The following LRRC51 variants were observed in gnomAD, a reference collection of about 807,000 sequenced individuals.
The protein encoded by LRRC51 is leucine rich repeat containing 51.
LRRC51 carries 8 observed loss-of-function variants against 17.8 expected under a neutral mutation model. The observed-to-expected ratio is 0.45, with a 90% CI of 0.26 to 0.81. The LOEUF is 0.81. LRRC51 is among the 30% of genes least tolerant of loss of function. The pLI is 0.17. For missense variants in LRRC51, 233 were observed against 239.3 expected (o/e 0.97, Z 0.17); for synonymous variants, 92 against 96.0 (o/e 0.96, Z 0.24).
Position 72,095,404 on chromosome 11 carries a change from C to T in LRRC51, c.463C>T (p.Arg155Cys), listed in dbSNP as rs757026619. The T allele has an allele frequency of 7.4e-6, 12 of 1,614,132 alleles. No individual in the cohort carries two copies. Among genetic ancestry groups the T allele is most frequent in the African/African-American group, 5.3e-5 (4 of 75,040 alleles). ...YRQYVLCTLS[R>C]ITTFDFSGVT... The stretch of plus-strand genomic sequence containing the variant: ...GCAATATGTGCTGTGCACCCTGTCC[C>T]GTATCACCACGTTCGACTTCAGTGG... Residue 155 changes from arginine to cysteine, a missense_variant, in exon 6 of 6, where the codon CGT becomes TGT. Transcript: ENST00000289488.
At chr11:72,093,323 A>C (rs1457601472) in intron 3 of LRRC51, among the ~76,000 whole-genome samples, 173 bp from the exon 4 acceptor site, 2 of 152,198 alleles carry the variant, frequency 1.3e-5, no homozygotes, top group African/African-American at 4.8e-5. Flanking sequence ...GTCTAAACTT[A>C]CTGATTGCTG....
rs1025638629 is a variant in LRRC51, at chr11:72,095,401, T to G, written c.460T>G (p.Ser154Ala). 6.2e-7 allele frequency: 1 copy of G among 1,613,950 alleles called. No homozygotes were observed. Among genetic ancestry groups the G allele is most frequent in the Admixed American group, 1.7e-5 (1 of 59,996 alleles). ...GYRQYVLCTL[S>A]RITTFDFSGV... is the part of the protein sequence containing the mutation. The stretch of plus-strand genomic sequence containing the variant: ...CAGGCAATATGTGCTGTGCACCCTG[T>G]CCCGTATCACCACGTTCGACTTCAG... Residue 154 changes from serine (S) to alanine (A), a missense_variant, in exon 6 of 6, where the codon TCC becomes GCC. By Grantham distance (99) the Ser-to-Ala change is moderately conservative (BLOSUM62 1). Transcript: ENST00000289488.
At chr11:72,086,535 A>G in intron 1 of LRRC51, 1 of 695,684 alleles carries the variant, frequency 1.4e-6, no homozygotes, top group East Asian at 2.7e-5. Context: ...CATTCATCCC[A>G]CAAACATTTT....
rs1316139090 is a variant in LRRC51, at chr11:72,095,657, A to G, written c.*137A>G. Reference sequence around the variant, plus strand: ...TTCTCTAACTCAGGCAACTGCAAGTAGCTCTAGCCTTTTCTTTTCTTTTTT... The same window carrying G: ...TTCTCTAACTCAGGCAACTGCAAGTGGCTCTAGCCTTTTCTTTTCTTTTTT... On this transcript the variant is annotated 3_prime_UTR_variant, in exon 6 of 6. Coordinates refer to ENST00000289488, the MANE Select transcript of LRRC51 (RefSeq NM_145309.6). The G allele has an allele frequency of 2.6e-6, 4 of 1,513,186 alleles. No homozygotes were observed. Among genetic ancestry groups the G allele is most frequent in the African/African-American group, 1.4e-5 (1 of 70,886 alleles). The allele number at this position is 1,513,186 out of a possible 1,614,324, so 93.7% of individuals were successfully genotyped here.
In LRRC51 at chr11:72,088,361, G is replaced by C. The variant is rs980457012; in HGVS notation, c.-75G>C. On this transcript the variant is annotated 5_prime_UTR_variant, in exon 2 of 6. Coordinates refer to ENST00000289488, the MANE Select transcript of LRRC51 (RefSeq NM_145309.6). ...ACAGGAATGAATGCCTAATGGTGGAGTTTCAGCCATCAGTGACAGGTGAGT... is the reference window on the plus strand; with the variant it reads ...ACAGGAATGAATGCCTAATGGTGGACTTTCAGCCATCAGTGACAGGTGAGT... 3 of 702,538 alleles carry C rather than the reference G, an allele frequency of 4.3e-6. No individual in the cohort carries two copies. The highest frequency in any genetic ancestry group is 3.5e-5 in the African/African-American group (2 of 57,266). The allele number at this position is 702,538 out of a possible 1,614,324, so 43.5% of individuals were successfully genotyped here.
In LRRC51 at chr11:72,093,645, CCA is replaced by C. The variant is rs1476975796; in HGVS notation, c.233_234del (p.Pro78ArgfsTer11). 2 of 1,614,198 alleles carry C rather than the reference CCA, an allele frequency of 1.2e-6. No homozygotes were observed. The highest frequency in any genetic ancestry group is 2.7e-5 in the African/African-American group (2 of 75,040). ...NQVASQLLEH[P>X]ENLAWIDLSF... ...GGTGGCTTCACAGCTGTTGGAGCAC[CCA>C]GAGAACCTGGCCTGGATCGACCTGT... On this transcript the variant is annotated frameshift_variant, in exon 4 of 6. Transcript: ENST00000289488. LOFTEE classifies it high-confidence loss of function.
chr11:72,095,041 C>T lies in LRRC51; in HGVS notation c.382C>T (p.Arg128Trp), dbSNP rs544993503. 2.1e-5 allele frequency: 34 copies of T among 1,613,948 alleles called. No individual in the cohort carries two copies. Among genetic ancestry groups the T allele is most frequent in the South Asian group, 3.3e-5 (3 of 91,054 alleles). The change falls in exon 5 of 6, where the codon CGG becomes TGG. Residue 128 changes from arginine to tryptophan, a missense_variant. Transcript: ENST00000289488. ...GGTGAATAAGCTGGCTGTCCTTCCTCGGCTCCGTAGCCTGACACTCCATGG... is the reference window on the plus strand; with the variant it reads ...GGTGAATAAGCTGGCTGTCCTTCCTTGGCTCCGTAGCCTGACACTCCATGG... ...GEVNKLAVLP[R>W]LRSLTLHGNP... is the part of the protein sequence containing the mutation.
chr11:72,090,451 A>G lies in LRRC51; in HGVS notation c.82+1286A>G, dbSNP rs564511397. Among the ~76,000 whole-genome samples the G allele has an allele frequency of 3.9e-5, 6 of 152,262 alleles. No individual in the cohort carries two copies. In the East Asian group the frequency reaches 5.8e-4, roughly 15 times the overall value. Reference sequence around the variant, plus strand: ...GGCCCATCCTTCATTCAACCGTTCAATATTTACTGAGCACTTACTAAAAGC... The same window carrying G: ...GGCCCATCCTTCATTCAACCGTTCAGTATTTACTGAGCACTTACTAAAAGC... On this transcript the variant is annotated intron_variant, in intron 3 of 5. Transcript: ENST00000289488.
chr11:72,094,810 T>C (rs1945081123), intron 4 of LRRC51, 138 bp from the exon 5 acceptor site: 3 of 1,508,182 alleles, frequency 2.0e-6, no homozygotes, highest in Non-Finnish European at 2.8e-6. Context: ...GTTACAGTCA[T>C]ACAGTATGGC....
At chr11:72,088,845 T>G in intron 2 of LRRC51, 184 bp from the exon 3 acceptor site, 1 of 606,262 alleles carries the variant, frequency 1.6e-6, no homozygotes, top group South Asian at 2.0e-5. Context: ...GATGTGAAGG[T>G]GCTCTGAGAA....
At chr11:72,086,298 C>T in intron 1 of LRRC51, 2 of 640,920 alleles carry the variant, frequency 3.1e-6, no homozygotes, top group Non-Finnish European at 5.7e-6. Flanking sequence ...CTCAGCAGGT[C>T]TTTCTGTGCT....
chr11:72,095,325 G>A (rs185370021), intron 5 of LRRC51, 54 bp from the exon 6 acceptor site: 1 of 1,612,772 alleles, frequency 6.2e-7, no homozygotes, highest in East Asian at 2.2e-5. Flanking sequence ...ACTAGTGGAG[G>A]GGGAAGGGGA....
Position 72,095,069 on chromosome 11 carries a change from A to G in LRRC51, c.410A>G (p.Asn137Ser). 1 of 1,613,908 alleles carries G rather than the reference A, an allele frequency of 6.2e-7. No homozygotes were observed. The highest frequency in any genetic ancestry group is 8.5e-7 in the Non-Finnish European group (1 of 1,179,868). The change falls in exon 5 of 6, where the codon AAC (asparagine) becomes AGC (serine). Residue 137 changes from asparagine (N) to serine (S), a missense_variant. Coordinates refer to ENST00000289488, the MANE Select transcript of LRRC51 (RefSeq NM_145309.6). The part of the protein sequence containing the change: ...PRLRSLTLHG[N>S]PMEEEKGYRQ... ...CTCCGTAGCCTGACACTCCATGGGA[A>G]CCCCATGGAGGAAGAGAAAGGGTAT...
chr11:72,087,725 G>A (rs1944622468), intron 1 of LRRC51, among the ~76,000 whole-genome samples: 1 of 152,106 alleles, frequency 6.6e-6, no homozygotes, highest in African/African-American at 2.4e-5. Flanking sequence ...AGTCCAAATT[G>A]GGATGTGCTG....
rs527614129 is a variant in LRRC51 at position 72,082,115 on chromosome 11, T to TTTG, written c.-140+1232_-140+1234dup. 4.9e-3 allele frequency among the ~76,000 whole-genome samples: 748 copies of TTTG among 152,314 alleles called. 2 individuals are homozygous for TTTG. Among genetic ancestry groups the TTTG allele is most frequent in the Non-Finnish European group, 7.5e-3 (513 of 68,016 alleles). ...GGGAAAAGGAACCTGTGTGGCCTAC[T>TTTG]TTGTATTATTTACACTTCAGCTGGA... is the stretch of plus-strand genomic sequence containing the variant. On this transcript the variant is annotated intron_variant, in intron 1 of 5. Coordinates refer to ENST00000289488, the MANE Select transcript of LRRC51 (RefSeq NM_145309.6).
At chr11:72,081,329 G>GA (rs1372442316) in intron 1 of LRRC51, among the ~76,000 whole-genome samples, 4 of 152,228 alleles carry the variant, frequency 2.6e-5, no homozygotes, top group African/African-American at 9.6e-5. Flanking sequence ...GGCTGAGGTA[G>GA]AAGGATCGCT....
intron 3 of LRRC51, 42 bp downstream of exon 3, chr11:72,089,207 G>C (rs371166975): frequency 6.2e-7 from 1 of 1,613,796 alleles, no homozygotes; most frequent in Admixed American, 1.7e-5. Flanking sequence ...TAAGGCAGCA[G>C]GCCCAGTGTG....
In LRRC51 at chr11:72,095,625, A is replaced by G. The variant is rs960979862; in HGVS notation, c.*105A>G. On this transcript the variant is annotated 3_prime_UTR_variant, in exon 6 of 6. Transcript: ENST00000289488. ...AGATGAGAAGTCACTTACACCTTGT[A>G]GAGATGTTCTCTAACTCAGGCAACT... 1.9e-6 allele frequency: 3 copies of G among 1,551,046 alleles called. No homozygotes were observed. The highest frequency in any genetic ancestry group is 2.7e-5 in the African/African-American group (2 of 73,154).
chr11:72,084,860 CCGTGTGTGTGTG>C (rs1196136599), intron 1 of LRRC51, among the ~76,000 whole-genome samples: 3 of 52,720 alleles, frequency 5.7e-5, no homozygotes, highest in Non-Finnish European at 1.1e-4. Flanking sequence ...AAAAAGAAAA[CCGTGTGTGTGTG>C]TGTGTGTGTG....
Sources: allele counts gnomAD v4.1 joint callset (sites outside exome capture counted in the v4.1 genomes callset), GRCh38; gene constraint gnomAD v4.1.1; transcripts MANE v1.5; gene names NCBI Gene and HGNC (gene_info 2026-07-23, HGNC 2026-07-21).